NELL2: variants seen among roughly 807,000 people sequenced by gnomAD.
NELL2 encodes the protein protein kinase C-binding protein NELL2.
A neutral mutation model predicts 109.6 loss-of-function variants in NELL2; 41 were observed. That is an observed-to-expected ratio of 0.37 (90% CI 0.29 to 0.49). The LOEUF is 0.49. Ranked by LOEUF, NELL2 falls within the 20% of genes least tolerant of loss-of-function variation. The pLI is 0.98. For synonymous variants in NELL2, 355 were observed against 344.7 expected (o/e 1.03, Z -0.33); for missense variants, 900 against 1,008.3 (o/e 0.89, Z 1.45).
intron 9 of NELL2, among the ~76,000 whole-genome samples, chr12:44,731,397 T>C (rs1348096253): frequency 6.7e-6 from 1 of 149,252 alleles, no homozygotes; most frequent in Non-Finnish European, 1.5e-5. Context: ...TTATACACCA[T>C]GATAAAGTGG....
chr12:44,742,015 A>C (rs1340599630), intron 9 of NELL2, among the ~76,000 whole-genome samples: 24 of 152,156 alleles, frequency 1.6e-4, no homozygotes, highest in Admixed American at 1.6e-3. Context: ...CTGCCTCCTC[A>C]AGTGGGTCCC....
chr12:44,668,713 T>C (rs911769182), intron 12 of NELL2, among the ~76,000 whole-genome samples: 2 of 151,968 alleles, frequency 1.3e-5, no homozygotes, highest in African/African-American at 4.8e-5. Context: ...CCACCCACCA[T>C]CACTACTCAC....
At chr12:44,533,013 T>C (rs1552860) in intron 15 of NELL2, among the ~76,000 whole-genome samples, 85,214 of 152,066 alleles carry the variant, frequency 0.56, 25,287 homozygotes, top group East Asian at 0.72. Context: ...ATTTTAGCTC[T>C]TCTAGACACA....
At chr12:44,708,975 T>C (rs962041301) in intron 11 of NELL2, among the ~76,000 whole-genome samples, 5 of 152,182 alleles carry the variant, frequency 3.3e-5, no homozygotes, top group Admixed American at 2.6e-4. Context: ...CATAATATAT[T>C]AGGACTCTTT....
At chr12:44,846,271 C>T (rs1592644517) in intron 2 of NELL2, among the ~76,000 whole-genome samples, 1 of 152,170 alleles carries the variant, frequency 6.6e-6, no homozygotes, top group Non-Finnish European at 1.5e-5. Flanking sequence ...TTGGAGCCAT[C>T]GTAGTTAATG....
chr12:44,843,041 G>A (rs1488941656), intron 2 of NELL2, among the ~76,000 whole-genome samples: 3 of 151,996 alleles, frequency 2.0e-5, no homozygotes, highest in Non-Finnish European at 4.4e-5. Flanking sequence ...CTAAGTGTGT[G>A]GTAATTTGTT....
intron 13 of NELL2, among the ~76,000 whole-genome samples, chr12:44,635,291 A>T (rs1466076705): frequency 6.6e-6 from 1 of 152,080 alleles, no homozygotes; most frequent in Non-Finnish European, 1.5e-5. Context: ...GTTTAATTAG[A>T]TCCCATTTGT....
chr12:44,911,365 A>C (rs894993146), intron 1 of NELL2, among the ~76,000 whole-genome samples: 1 of 152,044 alleles, frequency 6.6e-6, no homozygotes, highest in East Asian at 1.9e-4. Context: ...AACAAGAACA[A>C]TAAAAAAGAA....
intron 2 of NELL2, among the ~76,000 whole-genome samples, chr12:44,855,435 G>A (rs1944655831): frequency 6.6e-6 from 1 of 152,150 alleles, no homozygotes; most frequent in Non-Finnish European, 1.5e-5. Context: ...TTCTATACAT[G>A]ACTGTCCTTC....
chr12:44,850,207 A>T (rs771835560), intron 2 of NELL2, among the ~76,000 whole-genome samples: 1 of 152,144 alleles, frequency 6.6e-6, no homozygotes, highest in Non-Finnish European at 1.5e-5. Flanking sequence ...ATTTTGAGGG[A>T]CATAACTTCT....
intron 2 of NELL2, among the ~76,000 whole-genome samples, chr12:44,840,635 C>CA (rs759391830): frequency 2.3e-3 from 225 of 98,226 alleles, no homozygotes; most frequent in African/African-American, 3.3e-3. Context: ...GACTCCGTCT[C>CA]AAAAAAAAAA....
chr12:44,820,928 T>C (rs1414860582), intron 2 of NELL2, among the ~76,000 whole-genome samples: 1 of 151,854 alleles, frequency 6.6e-6, no homozygotes, highest in African/African-American at 2.4e-5. Flanking sequence ...TTACCTAAAG[T>C]CATAGGCGTG....
chr12:44,583,355 C>T (rs1332919907), intron 15 of NELL2, among the ~76,000 whole-genome samples: 1 of 152,182 alleles, frequency 6.6e-6, no homozygotes, highest in Non-Finnish European at 1.5e-5. Flanking sequence ...GTACTTGATG[C>T]TACAAATTAT....
intron 3 of NELL2, among the ~76,000 whole-genome samples, chr12:44,782,624 G>C (rs1056993734): frequency 1.3e-5 from 2 of 151,564 alleles, no homozygotes; most frequent in East Asian, 3.9e-4. Context: ...ATATATTTCA[G>C]AGCCAAAAAA....
intron 2 of NELL2, among the ~76,000 whole-genome samples, chr12:44,871,440 C>T (rs1322222895): frequency 1.3e-5 from 2 of 152,206 alleles, no homozygotes; most frequent in African/African-American, 4.8e-5. Context: ...ATGAAAGTAA[C>T]TCGCTTAATT....
intron 3 of NELL2, among the ~76,000 whole-genome samples, chr12:44,786,343 T>A (rs1240399644): frequency 6.6e-6 from 1 of 152,156 alleles, no homozygotes; most frequent in African/African-American, 2.4e-5. Flanking sequence ...CTCATGCCAG[T>A]TAGAATGGCG....
At chr12:44,546,102 T>C (rs1222370511) in intron 15 of NELL2, among the ~76,000 whole-genome samples, 4 of 152,150 alleles carry the variant, frequency 2.6e-5, no homozygotes, top group African/African-American at 9.6e-5. Context: ...CTTTGAATGG[T>C]ATGCCAGGAA....
chr12:44,523,043 A>T, intron 17 of NELL2: 1 of 512,986 alleles, frequency 1.9e-6, no homozygotes. Flanking sequence ...CATTTATATG[A>T]GGCTCTAGAA....
At chr12:44,675,841 C>G (rs1448475953) in intron 12 of NELL2, among the ~76,000 whole-genome samples, 1 of 152,040 alleles carries the variant, frequency 6.6e-6, no homozygotes, top group African/African-American at 2.4e-5. Context: ...GAGTGGCAGC[C>G]ATAACAAGAG....
Sources: gnomAD v4.1 joint callset for allele counts (sites outside exome capture counted in the v4.1 genomes callset) on GRCh38, gnomAD v4.1.1 for gene constraint, MANE v1.5 for transcripts, NCBI Gene and HGNC (gene_info 2026-07-23, HGNC 2026-07-21) for gene names.